MUCL1: variants seen among roughly 807,000 people sequenced by gnomAD.
MUCL1 encodes mucin like 1.
MUCL1 carries 11 observed loss-of-function variants against 9.2 expected under a neutral mutation model. The observed-to-expected ratio is 1.19, with a 90% CI of 0.75 to 1.97. The LOEUF is 1.97. Among genes scored for constraint, MUCL1 ranks in the 30% most tolerant of loss-of-function variants. MUCL1 has a pLI of 0.00. For missense variants in MUCL1, 144 were observed against 110.9 expected (o/e 1.30, Z -1.34); for synonymous variants, 48 against 40.5 (o/e 1.19, Z -0.71).
At chr12:54,851,629 A>G (rs1959341177), upstream of MUCL1, among the ~76,000 whole-genome samples, 1 of 152,160 alleles carries the variant, frequency 6.6e-6, no homozygotes. Context: ...CACCACTCCT[A>G]TTCAACGTAG....
At chr12:54,831,794 A>G (rs1251951229) in intron 1 of MUCL1, among the ~76,000 whole-genome samples, 1 of 152,106 alleles carries the variant, frequency 6.6e-6, no homozygotes, top group Non-Finnish European at 1.5e-5. Flanking sequence ...ATGAGGAAGC[A>G]TATGCCTCTA....
chr12:54,833,741 TG>T (rs1484266417), intron 1 of MUCL1, among the ~76,000 whole-genome samples: 1 of 148,992 alleles, frequency 6.7e-6, no homozygotes, highest in African/African-American at 2.5e-5. Context: ...AAACACCGCA[TG>T]TTCTCACTCA....
intron 1 of MUCL1, among the ~76,000 whole-genome samples, chr12:54,848,892 T>A (rs1453334391): frequency 6.6e-6 from 1 of 152,120 alleles, no homozygotes; most frequent in Non-Finnish European, 1.5e-5. Context: ...ATATTGTGAG[T>A]CAAAAACCTC....
At chr12:54,852,313 A>G (rs1321310882), upstream of MUCL1, among the ~76,000 whole-genome samples, 1 of 152,240 alleles carries the variant, frequency 6.6e-6, no homozygotes, top group Non-Finnish European at 1.5e-5. Flanking sequence ...ACAGAGTTAT[A>G]GACCAATGGA....
At chr12:54,844,903 A>G (rs1281475133) in intron 1 of MUCL1, among the ~76,000 whole-genome samples, 3 of 152,212 alleles carry the variant, frequency 2.0e-5, no homozygotes, top group Non-Finnish European at 4.4e-5. Flanking sequence ...ACACTACACA[A>G]AAACTATTTT....
At chr12:54,856,002 T>C (rs1868296277) in intron 2 of MUCL1, among the ~76,000 whole-genome samples, 1 of 152,334 alleles carries the variant, frequency 6.6e-6, no homozygotes, top group South Asian at 2.1e-4. Context: ...CTCACAAATG[T>C]GGGGCCTGAC....
At chr12:54,832,476 A>C (rs1959186767) in intron 1 of MUCL1, among the ~76,000 whole-genome samples, 1 of 152,136 alleles carries the variant, frequency 6.6e-6, no homozygotes, top group African/African-American at 2.4e-5. Context: ...CAATATTAAA[A>C]GAGCTAAGGG....
upstream of MUCL1, among the ~76,000 whole-genome samples, chr12:54,837,032 T>C (rs1390950528): frequency 6.6e-6 from 1 of 152,192 alleles, no homozygotes; most frequent in Non-Finnish European, 1.5e-5. Flanking sequence ...TTTCATGCAC[T>C]GAGGAGAAGA....
chr12:54,857,036 A>T, intron 3 of MUCL1, 144 bp downstream of exon 3: 3 of 1,269,740 alleles, frequency 2.4e-6, no homozygotes, highest in Non-Finnish European at 2.2e-6. Context: ...TTCTAAGTCA[A>T]GTCAACAGAT....
chr12:54,855,011 G>T, intron 1 of MUCL1, 105 bp from the exon 2 acceptor site: 1 of 924,412 alleles, frequency 1.1e-6, no homozygotes. Context: ...CAAGGACTGA[G>T]GGTCTTCCAT....
chr12:54,843,985 C>T (rs1402114261), intron 1 of MUCL1, among the ~76,000 whole-genome samples: 1 of 152,056 alleles, frequency 6.6e-6, no homozygotes, highest in East Asian at 1.9e-4. Context: ...TAGGTAATGT[C>T]TTAACCTTTT....
chr12:54,832,602 T>G (rs1326875524), intron 1 of MUCL1, among the ~76,000 whole-genome samples: 2 of 152,082 alleles, frequency 1.3e-5, no homozygotes, highest in African/African-American at 4.8e-5. Flanking sequence ...ACTCGTCTAT[T>G]TAAACCTTTT....
chr12:54,855,271 C>T (rs2135946664), intron 2 of MUCL1, 114 bp downstream of exon 2: 2 of 900,190 alleles, frequency 2.2e-6, no homozygotes, highest in Non-Finnish European at 3.6e-6. Context: ...GAATCCTAAG[C>T]AAAAGTCTGT....
upstream of MUCL1, among the ~76,000 whole-genome samples, chr12:54,836,409 T>C (rs1375514998): frequency 6.6e-6 from 1 of 152,210 alleles, no homozygotes; most frequent in Non-Finnish European, 1.5e-5. Context: ...TTGAATTATC[T>C]TTTGTATTTC....
intron 1 of MUCL1, among the ~76,000 whole-genome samples, chr12:54,833,064 A>T (rs1429142078): frequency 2.0e-5 from 3 of 152,046 alleles, no homozygotes; most frequent in Non-Finnish European, 4.4e-5. Context: ...CTGTAACTTT[A>T]TATTAATTTT....
chr12:54,841,617 C>G, intron 1 of MUCL1, among the ~76,000 whole-genome samples: 1 of 152,200 alleles, frequency 6.6e-6, no homozygotes, highest in Middle Eastern at 3.4e-3. Flanking sequence ...TTTTCAAATC[C>G]TTGTTGGCTA....
At chr12:54,853,422 G>T (rs544530074), upstream of MUCL1, among the ~76,000 whole-genome samples, 5 of 152,104 alleles carry the variant, frequency 3.3e-5, no homozygotes, top group Admixed American at 6.5e-5. Flanking sequence ...GGGCAGTGCT[G>T]GGCCCTACTC....
upstream of MUCL1, among the ~76,000 whole-genome samples, chr12:54,849,679 TCA>T (rs1190324180): frequency 3.3e-5 from 5 of 152,074 alleles, no homozygotes; most frequent in Non-Finnish European, 5.9e-5. Context: ...TAGAAAGATC[TCA>T]GTTTAATTTT....
chr12:54,851,450 A>G (rs1959338554), upstream of MUCL1, among the ~76,000 whole-genome samples: 1 of 152,228 alleles, frequency 6.6e-6, no homozygotes, highest in South Asian at 2.1e-4. Flanking sequence ...CTTTGACAAA[A>G]TTCAACAACC....
Sources: allele counts gnomAD v4.1 joint callset (sites outside exome capture counted in the v4.1 genomes callset), GRCh38; gene constraint gnomAD v4.1.1; transcripts MANE v1.5; gene names NCBI Gene and HGNC (gene_info 2026-07-23, HGNC 2026-07-21).